MMP11: variants seen among roughly 807,000 people sequenced by gnomAD.
The protein encoded by MMP11 is matrix metallopeptidase 11, also known as stromelysin-3.
A neutral mutation model predicts 49.5 loss-of-function variants in MMP11; 26 were observed. The observed-to-expected ratio is 0.52, with a 90% confidence interval of 0.38 to 0.73. MMP11 has a LOEUF of 0.73. Among genes scored for constraint, MMP11 ranks in the 30% least tolerant of loss-of-function variants. The pLI is 0.00. For synonymous variants in MMP11, 265 were observed against 282.3 expected, an observed-to-expected ratio of 0.94 and a Z score of 0.62; for missense variants, 624 against 671.2, an observed-to-expected ratio of 0.93 and a Z score of 0.78.
chr22:23,783,329 T>C, intron 7 of MMP11, 82 bp from the exon 8 acceptor site: 3 of 1,566,534 alleles, frequency 1.9e-6, no homozygotes, highest in African/African-American at 1.3e-5. Flanking sequence ...CCTCCCTTAG[T>C]GCCCATCCCT....
intron 1 of MMP11, among the ~76,000 whole-genome samples, chr22:23,774,936 G>T (rs1054596885): frequency 6.6e-6 from 1 of 152,170 alleles, no homozygotes. Context: ...TCTAAGCTCT[G>T]CCAGGACACT....
In MMP11 at chr22:23,782,316, C is replaced by G; in HGVS notation, c.1166C>G (p.Ala389Gly). Reference protein sequence around the residue: ...ELGLVRFPVHAALVWGPEKNK... With the variant: ...ELGLVRFPVHGALVWGPEKNK... ...GGCCTGGTGAGGTTCCCGGTCCATG[C>G]TGCCTTGGTCTGGGGTCCCGAGAAG... Residue 389 changes from alanine to glycine, a missense_variant, in exon 7 of 8, where the codon GCT becomes GGT. By Grantham distance (60) the Ala-to-Gly change is moderately conservative. Transcript: ENST00000215743. The G allele has an allele frequency of 6.2e-7, 1 of 1,613,980 alleles. No homozygotes were observed.
chr22:23,780,252 G>C lies in MMP11; in HGVS notation c.339-107G>C. On this transcript the variant is annotated intron_variant, in intron 2 of 7. Coordinates refer to ENST00000215743, the MANE Select transcript of MMP11 (RefSeq NM_005940.5). The surrounding 1 kb of genome is among the most constrained non-coding windows in gnomAD (Gnocchi z 4.6). ...GAGGCCCAGAGTACACCTGGCCTGT[G>C]TCCTGAGTGTTCACACACCCACCAA... is the stretch of plus-strand genomic sequence containing the variant. 9.9e-6 allele frequency: 14 copies of C among 1,410,954 alleles called. No homozygotes were observed. Among genetic ancestry groups the C allele is most frequent in the Non-Finnish European group, 1.4e-5 (14 of 1,021,648 alleles). The allele number at this position is 1,410,954 out of a possible 1,614,324, so 87.4% of individuals were successfully genotyped here.
intron 1 of MMP11, among the ~76,000 whole-genome samples, chr22:23,778,182 C>T (rs1390006751): frequency 6.6e-6 from 1 of 152,246 alleles, no homozygotes; most frequent in Non-Finnish European, 1.5e-5. Context: ...GTGTCCAGAG[C>T]CAGGCCTTAG....
At chr22:23,775,464 T>C (rs1927378670) in intron 1 of MMP11, among the ~76,000 whole-genome samples, 1 of 152,160 alleles carries the variant, frequency 6.6e-6, no homozygotes, top group Admixed American at 6.5e-5. Flanking sequence ...CTTGGAAAGA[T>C]GAAGTGTGGG....
At chr22:23,782,615 T>C in intron 7 of MMP11, 132 bp downstream of exon 7, 1 of 1,127,512 alleles carries the variant, frequency 8.9e-7, no homozygotes, top group Non-Finnish European at 1.2e-6. Context: ...TCCAGAGCCA[T>C]CTGCCCTCCT....
rs370875421 is a variant in MMP11 at position 23,781,344 on chromosome 22, A to G, written c.1010A>G (p.Gln337Arg). Residue 337 changes from glutamine to arginine, a missense_variant, in exon 6 of 8, where the codon CAG (glutamine) becomes CGG (arginine). Gln to Arg is a conservative substitution (Grantham distance 43). Coordinates refer to ENST00000215743, the MANE Select transcript of MMP11 (RefSeq NM_005940.5). ...GYPALASRHW[Q>R]GLPSPVDAAF... ...CCAGCATTGGCCTCTCGCCACTGGC[A>G]GGGACTGCCCAGCCCTGTGGACGCT... 12 of 1,613,476 alleles carry G rather than the reference A, an allele frequency of 7.4e-6. 1 individual carries two copies. The highest frequency in any genetic ancestry group is 1.3e-5 in the African/African-American group (1 of 75,026).
chr22:23,779,594 A>G (rs1172878968), intron 2 of MMP11, 178 bp downstream of exon 2: 1 of 611,178 alleles, frequency 1.6e-6, no homozygotes. Context: ...ACCCCAACTT[A>G]GACACATACA....
chr22:23,779,100 CGT>C (rs1215195549), intron 1 of MMP11, 85 bp from the exon 2 acceptor site: 4 of 1,083,696 alleles, frequency 3.7e-6, no homozygotes, highest in Non-Finnish European at 5.3e-6. Context: ...TGGGGTTGCA[CGT>C]GTGTTTGCTG....
At position 23,780,172 on chromosome 22, in the gene MMP11, A is replaced by G; in HGVS notation, c.339-187A>G. On this transcript the variant is annotated intron_variant, in intron 2 of 7. Coordinates refer to ENST00000215743, the MANE Select transcript of MMP11 (RefSeq NM_005940.5). The surrounding 1 kb of genome is among the most constrained non-coding windows in gnomAD (Gnocchi z 4.6). Reference sequence around the variant, plus strand: ...AGACACTTGTATTTGCCTAAGTATGAGCAAACCACATACACATGTGCCCAT... The same window carrying G: ...AGACACTTGTATTTGCCTAAGTATGGGCAAACCACATACACATGTGCCCAT... 1 of 676,450 alleles carries G rather than the reference A, an allele frequency of 1.5e-6. No homozygotes were observed. The highest frequency in any genetic ancestry group is 2.7e-5 in the East Asian group (1 of 36,660). The allele number at this position is 676,450 out of a possible 1,614,324, so 41.9% of individuals were successfully genotyped here.
chr22:23,772,923 C>G lies in MMP11; in HGVS notation c.53C>G (p.Pro18Arg), dbSNP rs905456883. The G allele has an allele frequency of 8.3e-7, 1 of 1,207,798 alleles. No individual in the cohort carries two copies. Among genetic ancestry groups the G allele is most frequent in the Non-Finnish European group, 1.0e-6 (1 of 969,354 alleles). 74.8% of individuals were successfully genotyped at this position (1,207,798 alleles called of 1,614,324 possible). Residue 18 changes from proline (P) to arginine (R), a missense_variant, in exon 1 of 8, where the codon CCG (proline) becomes CGG (arginine). Transcript: ENST00000215743. ...RSAAARALLP[P>R]MLLLLLQPPP... ...GCGGCCGCGCGCGCCCTCCTGCCCC[C>G]GATGCTGCTGCTGCTGCTCCAGCCG...
At chr22:23,781,643 G>C (rs1047260536) in intron 6 of MMP11, 3 of 638,410 alleles carry the variant, frequency 4.7e-6, no homozygotes, top group Non-Finnish European at 8.6e-6. Context: ...GTGGGGCCTC[G>C]TGTTGGTGCG....
At chr22:23,777,144 C>T (rs143119819) in intron 1 of MMP11, among the ~76,000 whole-genome samples, 644 of 126,056 alleles carry the variant, frequency 5.1e-3, no homozygotes, top group African/African-American at 0.019. Context: ...AAGCCCAGGC[C>T]GGGCGCGGTG....
intron 1 of MMP11, among the ~76,000 whole-genome samples, chr22:23,776,809 C>CTT (rs539828847): frequency 0.012 from 1,608 of 139,002 alleles, 20 homozygotes; most frequent in Non-Finnish European, 0.017. Context: ...GTGCTAAGTA[C>CTT]TTTTTTTTTT....
At chr22:23,775,944 A>G (rs1212263022) in intron 1 of MMP11, among the ~76,000 whole-genome samples, 1 of 152,244 alleles carries the variant, frequency 6.6e-6, no homozygotes, top group Non-Finnish European at 1.5e-5. Flanking sequence ...TTGCTGTGGC[A>G]TCATTCCCAT....
At position 23,782,308 on chromosome 22, in the gene MMP11, G is replaced by A. The variant is rs764202541; in HGVS notation, c.1158G>A (p.Pro386=). The A allele has an allele frequency of 1.7e-5, 28 of 1,613,814 alleles. No individual in the cohort carries two copies. Among genetic ancestry groups the A allele is most frequent in the South Asian group, 1.4e-4 (13 of 91,084 alleles). Residue 386 remains proline, a synonymous_variant, in exon 7 of 8, where the codon CCG becomes CCA. Transcript: ENST00000215743. ...CCGAGCTGGGCCTGGTGAGGTTCCC[G>A]GTCCATGCTGCCTTGGTCTGGGGTC... ...PLTELGLVRF[P]VHAALVWGPE...
rs141794324 is a variant in MMP11, at chr22:23,779,287, G to A, written c.209G>A (p.Arg70Gln). 3.9e-5 allele frequency: 62 copies of A among 1,610,368 alleles called. No individual in the cohort carries two copies. Among genetic ancestry groups the A allele is most frequent in the South Asian group, 7.7e-5 (7 of 90,466 alleles). Residue 70 changes from arginine to glutamine, a missense_variant, in exon 2 of 8, where the codon CGG becomes CAG. By Grantham distance (43) the Arg-to-Gln change is conservative. Coordinates refer to ENST00000215743, the MANE Select transcript of MMP11 (RefSeq NM_005940.5). Reference sequence around the variant, plus strand: ...GCCCCTGCCACGCAGGAAGCCCCCCGGCCTGCCAGCAGCCTCAGGCCTCCC... The same window carrying A: ...GCCCCTGCCACGCAGGAAGCCCCCCAGCCTGCCAGCAGCCTCAGGCCTCCC... ...APAPATQEAPRPASSLRPPRC... is the reference protein window; with the variant it reads ...APAPATQEAPQPASSLRPPRC...
chr22:23,774,362 ACTGTGGT>A (rs1341356130), intron 1 of MMP11, among the ~76,000 whole-genome samples: 4 of 152,122 alleles, frequency 2.6e-5, no homozygotes, highest in African/African-American at 9.7e-5. Context: ...TCTGAGCTGG[ACTGTGGT>A]CTGTCACTCT....
chr22:23,779,281 C>T lies in MMP11; in HGVS notation c.203C>T (p.Ala68Val). 1.9e-6 allele frequency: 3 copies of T among 1,609,624 alleles called. No individual in the cohort carries two copies. Among genetic ancestry groups the T allele is most frequent in the Non-Finnish European group, 2.5e-6 (3 of 1,178,528 alleles). ...SPAPAPATQE[A>V]PRPASSLRPP... ...GCACCTGCCCCTGCCACGCAGGAAG[C>T]CCCCCGGCCTGCCAGCAGCCTCAGG... The change falls in exon 2 of 8, where the codon GCC becomes GTC. Residue 68 changes from alanine (A) to valine (V), a missense_variant. Coordinates refer to ENST00000215743, the MANE Select transcript of MMP11 (RefSeq NM_005940.5).
Sources: gnomAD v4.1 joint callset for allele counts (sites outside exome capture counted in the v4.1 genomes callset) on GRCh38, gnomAD v4.1.1 for gene constraint, Gnocchi (gnomAD v3.1) non-coding constraint, MANE v1.5 for transcripts, NCBI Gene and HGNC (gene_info 2026-07-23, HGNC 2026-07-21) for gene names.